MX2: variants seen among roughly 807,000 people sequenced by gnomAD.
The protein encoded by MX2 is interferon-induced GTP-binding protein Mx2.
In MX2, 51 loss-of-function variants were observed where a neutral mutation model predicts 74.0. That is an observed-to-expected ratio of 0.69 (90% confidence interval 0.55 to 0.87). MX2 has a LOEUF of 0.87. Ranked by LOEUF, MX2 falls within the 40% of genes least tolerant of loss-of-function variation. MX2 has a pLI of 0.00. For synonymous variants in MX2, 369 were observed against 339.3 expected (o/e 1.09, Z -0.96); for missense variants, 832 against 908.7 (o/e 0.92, Z 1.09).
chr21:41,393,276 C>A lies in MX2; in HGVS notation c.872-2311C>A, dbSNP rs564954502. 1.1e-4 allele frequency among the ~76,000 whole-genome samples: 17 copies of A among 152,196 alleles called. No individual in the cohort carries two copies. In the South Asian group the frequency reaches 1.5e-3, roughly 13 times the overall value. On this transcript the variant is annotated intron_variant, in intron 6 of 13. Transcript: ENST00000330714. ...AGAACAGTGGGTCGATATTTTCAGG[C>A]CCTCACTAAGCTGGTTCCCCACCTG...
chr21:41,406,428 G>A (rs765931719), intron 12 of MX2, among the ~76,000 whole-genome samples: 11 of 152,322 alleles, frequency 7.2e-5, no homozygotes, highest in East Asian at 1.9e-4. Flanking sequence ...GACTGACACC[G>A]TCCCAACAGC....
Position 41,380,780 on chromosome 21 carries a change from T to A in MX2, c.577+629T>A, listed in dbSNP as rs144081713. Among the ~76,000 whole-genome samples the A allele has an allele frequency of 7.3e-3, 1,109 of 152,046 alleles. 18 individuals are homozygous for A. The highest frequency in any genetic ancestry group is 0.025 in the African/African-American group (1,045 of 41,476). On this transcript the variant is annotated intron_variant, in intron 4 of 13. Coordinates refer to ENST00000330714, the MANE Select transcript of MX2 (RefSeq NM_002463.2). The surrounding 1 kb of genome is among the most constrained non-coding windows in gnomAD (Gnocchi z 4.3). Reference sequence around the variant, plus strand: ...GTTGCTCCTGGAGTCCACACCCTTCTCCCCCGAGGGGCCCTAGTGGTTACG... The same window carrying A: ...GTTGCTCCTGGAGTCCACACCCTTCACCCCCGAGGGGCCCTAGTGGTTACG...
In MX2 at chr21:41,379,351, G is replaced by A. The variant is rs116125653; in HGVS notation, c.443-666G>A. Among the ~76,000 whole-genome samples, 1,107 of 152,320 alleles carry A rather than the reference G, an allele frequency of 7.3e-3. 20 individuals carry two copies. The highest frequency in any genetic ancestry group is 0.025 in the African/African-American group (1,044 of 41,572). Reference sequence around the variant, plus strand: ...GGGTTCTCAGGGCTTCACGGCAGGAGCGTGAGGGCCCCCACCCCAAGGAAC... The same window carrying A: ...GGGTTCTCAGGGCTTCACGGCAGGAACGTGAGGGCCCCCACCCCAAGGAAC... On this transcript the variant is annotated intron_variant, in intron 3 of 13. Transcript: ENST00000330714.
intron 2 of MX2, 42 bp downstream of exon 2, chr21:41,377,197 C>G (rs1343161154): frequency 6.2e-7 from 1 of 1,607,640 alleles, no homozygotes. Context: ...TGCATTCTGG[C>G]TGCCGGTGCA....
In MX2 at chr21:41,371,184, G is replaced by T. The variant is rs9978993; in HGVS notation, c.-71-5652G>T. On this transcript the variant is annotated intron_variant, in intron 1 of 13. Transcript: ENST00000330714. ...GTCACAAGAAGTTCAATCATTATCT[G>T]GTCTCGTCATCTCGAGTGAAGCTGT... 2.0e-3 allele frequency among the ~76,000 whole-genome samples: 303 copies of T among 152,296 alleles called. 1 individual carries two copies. Among genetic ancestry groups the T allele is most frequent in the Non-Finnish European group, 3.0e-3 (207 of 68,020 alleles).
chr21:41,372,252 A>G (rs560267191), intron 1 of MX2, among the ~76,000 whole-genome samples: 1 of 152,350 alleles, frequency 6.6e-6, no homozygotes, highest in African/African-American at 2.4e-5. Context: ...CCTGACCAAT[A>G]TGCATTGCAT....
chr21:41,404,521 C>T (rs531430328), intron 12 of MX2: 7 of 152,240 alleles, frequency 4.6e-5, no homozygotes, highest in African/African-American at 1.7e-4. Flanking sequence ...TGTGCTTTTC[C>T]TAAGAGGGTT....
At position 41,408,115 on chromosome 21, in the gene MX2, G is replaced by T. The variant is rs933452925; in HGVS notation, c.2030G>T (p.Trp677Leu). The T allele has an allele frequency of 3.7e-6, 6 of 1,614,064 alleles. No homozygotes were observed. The African/African-American group carries it at 6.7e-5, about 18-fold the overall frequency. ...QILQEKNRYS[W>L]LLQEQSETAT... ...CTACAGGAAAAAAATCGCTATTCCTGGCTGCTTCAAGAGCAGAGTGAGACC... is the reference window on the plus strand; with the variant it reads ...CTACAGGAAAAAAATCGCTATTCCTTGCTGCTTCAAGAGCAGAGTGAGACC... The change falls in exon 14 of 14, where the codon TGG (tryptophan) becomes TTG (leucine). Residue 677 changes from tryptophan (W) to leucine (L), a missense_variant. Physicochemically the swap from Trp to Leu is moderately conservative, Grantham distance 61. Transcript: ENST00000330714.
intron 13 of MX2, among the ~76,000 whole-genome samples, chr21:41,407,467 TCTGA>T (rs1304543551): frequency 4.6e-5 from 7 of 152,200 alleles, no homozygotes; most frequent in Non-Finnish European, 8.8e-5. Flanking sequence ...CTTTTTGGCC[TCTGA>T]CTGTCTATCC....
chr21:41,381,322 C>T (rs2089488295), intron 4 of MX2, among the ~76,000 whole-genome samples: 1 of 152,174 alleles, frequency 6.6e-6, no homozygotes, highest in Admixed American at 6.5e-5. Flanking sequence ...TGGGGCAGGG[C>T]CAGGAGAGCT....
rs1032852409 is a variant in MX2 at position 41,409,094 on chromosome 21, G to A, written c.*861G>A. 1.3e-5 allele frequency: 2 copies of A among 152,096 alleles called. No homozygotes were observed. Among genetic ancestry groups the A allele is most frequent in the African/African-American group, 2.4e-5 (1 of 41,372 alleles). 9.4% of individuals were successfully genotyped at this position (152,096 alleles called of 1,614,324 possible). ...TGTTTGTAAGTAGCCAGACATGGTG[G>A]TGCACACCTGTAGTCCCAGCCACTC... On this transcript the variant is annotated 3_prime_UTR_variant, in exon 14 of 14. Transcript: ENST00000330714.
At chr21:41,367,600 A>G (rs982631751) in intron 1 of MX2, among the ~76,000 whole-genome samples, 33 of 152,274 alleles carry the variant, frequency 2.2e-4, no homozygotes, top group African/African-American at 7.7e-4. Flanking sequence ...ATCCTCTAAG[A>G]AAAAAGGATC....
rs2089513154 is a variant in MX2, at chr21:41,382,679, C to G, written c.732+115C>G. Reference sequence around the variant, plus strand: ...TTACACTGAGGGATGAGGATGGAGTCTCAGGTAAGACCTGCCCAGGTGGGG... The same window carrying G: ...TTACACTGAGGGATGAGGATGGAGTGTCAGGTAAGACCTGCCCAGGTGGGG... On this transcript the variant is annotated intron_variant, in intron 5 of 13. Coordinates refer to ENST00000330714, the MANE Select transcript of MX2 (RefSeq NM_002463.2). 5.0e-6 allele frequency: 7 copies of G among 1,397,124 alleles called. No homozygotes were observed. The South Asian group carries it at 9.0e-5, about 18-fold the overall frequency. 86.5% of individuals were successfully genotyped at this position (1,397,124 alleles called of 1,614,324 possible).
intron 5 of MX2, among the ~76,000 whole-genome samples, chr21:41,385,932 G>T (rs1472149798): frequency 6.6e-6 from 1 of 152,088 alleles, no homozygotes. Context: ...AATATATGCT[G>T]TTGCGAAAAG....
chr21:41,376,136 G>A (rs1304374910), intron 1 of MX2, among the ~76,000 whole-genome samples: 1 of 152,166 alleles, frequency 6.6e-6, no homozygotes, highest in Non-Finnish European at 1.5e-5. Flanking sequence ...CTGGCTTCCA[G>A]CAGGCCCAGG....
chr21:41,377,844 A>T lies in MX2; in HGVS notation c.305A>T (p.Asp102Val). 3 of 1,614,004 alleles carry T rather than the reference A, an allele frequency of 1.9e-6. No homozygotes were observed. Among genetic ancestry groups the T allele is most frequent in the Non-Finnish European group, 2.5e-6 (3 of 1,179,984 alleles). The change falls in exon 3 of 14, where the codon GAC becomes GTC. Residue 102 changes from aspartate to valine, a missense_variant. Transcript: ENST00000330714. Reference protein sequence around the residue: ...QYEQKVRPCIDLIDSLRALGV... With the variant: ...QYEQKVRPCIVLIDSLRALGV... ...GAGCAGAAGGTGCGCCCCTGCATTG[A>T]CCTCATCGACTCCCTGCGGGCTCTG...
Position 41,402,948 on chromosome 21 carries a change from C to T in MX2, c.1574-319C>T. The T allele has an allele frequency of 3.2e-6, 1 of 314,750 alleles. No individual in the cohort carries two copies. Among genetic ancestry groups the T allele is most frequent in the Non-Finnish European group, 6.2e-6 (1 of 160,956 alleles). The allele number at this position is 314,750 out of a possible 1,614,324, so 19.5% of individuals were successfully genotyped here. On this transcript the variant is annotated intron_variant, in intron 11 of 13. Transcript: ENST00000330714. The surrounding 1 kb of genome is among the most constrained non-coding windows in gnomAD (Gnocchi z 4.5). ...CAGCAGTGCTCACTAGCTCACTGCA[C>T]ACCTCCTGCCGGACACGGACTGGAA...
intron 3 of MX2, among the ~76,000 whole-genome samples, 196 bp from the exon 4 acceptor site, chr21:41,379,821 A>T (rs541248980): frequency 5.9e-5 from 9 of 152,312 alleles, no homozygotes; most frequent in Admixed American, 1.3e-4. Flanking sequence ...CTTCCCAAGG[A>T]TAGCAGCACC....
intron 5 of MX2, among the ~76,000 whole-genome samples, chr21:41,383,538 G>A (rs574587693): frequency 2.0e-5 from 3 of 152,296 alleles, no homozygotes; most frequent in Non-Finnish European, 2.9e-5. Context: ...AGACAGAGTC[G>A]ATGCCAGGGC....
Sources: allele counts gnomAD v4.1 joint callset (sites outside exome capture counted in the v4.1 genomes callset), GRCh38; gene constraint gnomAD v4.1.1; non-coding constraint Gnocchi (gnomAD v3.1); transcripts MANE v1.5; gene names NCBI Gene and HGNC (gene_info 2026-07-23, HGNC 2026-07-21).